Variants in RAD51B observed in about 807,000 individuals in gnomAD.
RAD51B encodes the protein RAD51 paralog B, also known as DNA repair protein RAD51 homolog 2.
Under a neutral mutation model 42.2 loss-of-function variants are expected in RAD51B, and 38 were observed. The ratio of observed to expected loss-of-function variants is 0.90; its 90% CI spans 0.70 to 1.18. The LOEUF is 1.18. RAD51B is among the 50% of genes most tolerant of loss of function. RAD51B has a pLI of 0.00. For synonymous variants in RAD51B, 154 were observed against 145.2 expected (o/e 1.06, Z -0.43); for missense variants, 373 against 400.7 (o/e 0.93, Z 0.59).
At chr14:68,475,350 G>C (rs1882478630) in intron 10 of RAD51B, among the ~76,000 whole-genome samples, 1 of 152,170 alleles carries the variant, frequency 6.6e-6, no homozygotes, top group African/African-American at 2.4e-5. Flanking sequence ...TAAGGGCTGG[G>C]CTTGTTGCAT....
chr14:68,035,647 T>A (rs998494422), intron 7 of RAD51B, among the ~76,000 whole-genome samples: 4 of 152,208 alleles, frequency 2.6e-5, no homozygotes, highest in African/African-American at 9.7e-5. Context: ...TTCAATTAGG[T>A]GTAGTTGTTT....
chr14:68,576,165 C>T (rs1229349980), intron 10 of RAD51B, among the ~76,000 whole-genome samples: 2 of 152,142 alleles, frequency 1.3e-5, no homozygotes, highest in African/African-American at 4.8e-5. Context: ...GAAGAGACAC[C>T]CTCCTGACCT....
chr14:68,342,574 T>C (rs568908917), intron 8 of RAD51B, among the ~76,000 whole-genome samples: 4 of 152,322 alleles, frequency 2.6e-5, no homozygotes, highest in Non-Finnish European at 5.9e-5. Flanking sequence ...TTTCTCTCTC[T>C]CTCCCTCTCT....
chr14:68,034,495 T>C (rs561231260), intron 7 of RAD51B, among the ~76,000 whole-genome samples: 2 of 152,258 alleles, frequency 1.3e-5, no homozygotes, highest in South Asian at 4.1e-4. Context: ...TCTCGAACTC[T>C]TGGGCTCAAG....
intron 7 of RAD51B, among the ~76,000 whole-genome samples, chr14:68,205,157 A>AT (rs1227466447): frequency 3.9e-5 from 6 of 152,098 alleles, no homozygotes; most frequent in Non-Finnish European, 8.8e-5. Context: ...TCACTATTCA[A>AT]TTTTTTTAAG....
chr14:68,477,985 C>T lies in RAD51B; in HGVS notation c.*321C>T, dbSNP rs1882854273. On this transcript the variant is annotated 3_prime_UTR_variant, in exon 11 of 11. Coordinates refer to ENST00000471583, the MANE Select transcript of RAD51B (RefSeq NM_133510.4). ...ACCAGGCACCTCAAAGCGGTTTAAC[C>T]ACATTAATTAATTAAAGCCCACAAT... 2 of 1,128,260 alleles carry T rather than the reference C, an allele frequency of 1.8e-6. No individual in the cohort carries two copies. The highest frequency in any genetic ancestry group is 2.2e-6 in the Non-Finnish European group (2 of 921,424). The allele number at this position is 1,128,260 out of a possible 1,614,324, so 69.9% of individuals were successfully genotyped here.
At chr14:67,982,391 A>G (rs980865017) in intron 7 of RAD51B, among the ~76,000 whole-genome samples, 1 of 152,334 alleles carries the variant, frequency 6.6e-6, no homozygotes. Context: ...TAAGTATAAT[A>G]AATGTAAATA....
At chr14:67,999,723 G>A (rs923992308) in intron 7 of RAD51B, among the ~76,000 whole-genome samples, 11 of 152,166 alleles carry the variant, frequency 7.2e-5, no homozygotes. Context: ...GGTTCATTAA[G>A]TATTAGGTTT....
At position 68,002,380 on chromosome 14, in the gene RAD51B, GT is replaced by G. The variant is rs965270321; in HGVS notation, c.756+115185del. ...TCATGTCCTTTGCCTACTTTTTAAT[GT>G]TTTTTTTTCCTTGTAAATTTGTTTA... is the stretch of plus-strand genomic sequence containing the variant. On this transcript the variant is annotated intron_variant, in intron 7 of 10. Coordinates refer to ENST00000471583, the MANE Select transcript of RAD51B (RefSeq NM_133510.4). Among the ~76,000 whole-genome samples the G allele has an allele frequency of 1.0e-3, 154 of 150,714 alleles. 1 individual carries two copies. The highest frequency in any genetic ancestry group is 3.2e-3 in the African/African-American group (130 of 41,100).
At chr14:68,654,829 G>T (rs1349818305) in intron 11 of RAD51B, among the ~76,000 whole-genome samples, 1 of 152,168 alleles carries the variant, frequency 6.6e-6, no homozygotes, top group Non-Finnish European at 1.5e-5. Flanking sequence ...CAGGCTCCAA[G>T]AACCCGCTTT....
chr14:68,667,447 A>T (rs567867854), intron 11 of RAD51B, among the ~76,000 whole-genome samples: 1 of 128,508 alleles, frequency 7.8e-6, no homozygotes, highest in Non-Finnish European at 1.8e-5. Flanking sequence ...ACTTTATTGT[A>T]AATCAAATAT....
intron 7 of RAD51B, among the ~76,000 whole-genome samples, chr14:68,046,975 T>TA (rs2076311326): frequency 6.6e-6 from 1 of 151,642 alleles, no homozygotes; most frequent in South Asian, 2.1e-4. Context: ...TTTTTTTTTT[T>TA]ATTCTAACAT....
At chr14:68,279,351 G>T (rs2081279948) in intron 7 of RAD51B, among the ~76,000 whole-genome samples, 1 of 152,250 alleles carries the variant, frequency 6.6e-6, no homozygotes, top group African/African-American at 2.4e-5. Flanking sequence ...CATGAGATTT[G>T]CTCAGAACTC....
chr14:68,420,007 G>A (rs2084659565), intron 9 of RAD51B, among the ~76,000 whole-genome samples: 1 of 152,138 alleles, frequency 6.6e-6, no homozygotes, highest in Non-Finnish European at 1.5e-5. Flanking sequence ...TGAGTTTGCA[G>A]GGATCATTTT....
chr14:68,629,556 A>C (rs1000256897), intron 10 of RAD51B, among the ~76,000 whole-genome samples: 1 of 152,206 alleles, frequency 6.6e-6, no homozygotes, highest in Admixed American at 6.5e-5. Flanking sequence ...TCATACCCTC[A>C]GCATCTTGAA....
intron 7 of RAD51B, among the ~76,000 whole-genome samples, chr14:68,184,625 CAAAA>C (rs3073458): frequency 3.0e-5 from 4 of 132,390 alleles, no homozygotes; most frequent in African/African-American, 1.1e-4. Context: ...AAAAAAAAAC[CAAAA>C]AAAAAAACAG....
intron 8 of RAD51B, among the ~76,000 whole-genome samples, chr14:68,299,281 G>A (rs1174538947): frequency 2.0e-5 from 3 of 152,014 alleles, no homozygotes; most frequent in Non-Finnish European, 2.9e-5. Context: ...ACCACCCTCT[G>A]AGGATAGTGC....
chr14:67,897,681 C>T (rs1320616277), intron 7 of RAD51B, among the ~76,000 whole-genome samples: 1 of 150,574 alleles, frequency 6.6e-6, no homozygotes, highest in African/African-American at 2.5e-5. Flanking sequence ...TGGAGTTTCG[C>T]TCTTGCTACC....
At chr14:68,321,877 A>T (rs773208982) in intron 8 of RAD51B, among the ~76,000 whole-genome samples, 49 of 152,000 alleles carry the variant, frequency 3.2e-4, no homozygotes, top group Admixed American at 6.6e-4. Context: ...CAGCCTCCTG[A>T]GTAGCTGGGA....
Sources: gnomAD v4.1 joint callset for allele counts (sites outside exome capture counted in the v4.1 genomes callset) on GRCh38, gnomAD v4.1.1 for gene constraint, MANE v1.5 for transcripts, NCBI Gene and HGNC (gene_info 2026-07-23, HGNC 2026-07-21) for gene names.